FYCO1: variants seen among roughly 807,000 people sequenced by gnomAD.
FYCO1 encodes the protein FYVE and coiled-coil domain autophagy adaptor 1, also known as FYVE and coiled-coil domain-containing protein 1.
In FYCO1, 122 loss-of-function variants were observed where a neutral mutation model predicts 165.1. That is an observed-to-expected ratio of 0.74 (90% CI 0.64 to 0.86). The LOEUF (loss-of-function observed/expected upper bound fraction) is 0.86, where lower values mean the gene tolerates loss of function less well. FYCO1 is among the 40% of genes least tolerant of loss of function. FYCO1 has a pLI of 0.00. For synonymous variants in FYCO1, 648 were observed against 742.5 expected (o/e 0.87, Z 2.07); for missense variants, 1,702 against 1,810.3 (o/e 0.94, Z 1.09).
intron 14 of FYCO1, among the ~76,000 whole-genome samples, chr3:45,951,779 C>A (rs1705046887): frequency 6.6e-6 from 1 of 152,158 alleles, no homozygotes; most frequent in African/African-American, 2.4e-5. Flanking sequence ...TGCACAGGGA[C>A]CACTAGGAGG....
chr3:45,972,354 G>T (rs760121296), intron 6 of FYCO1, among the ~76,000 whole-genome samples: 1 of 152,180 alleles, frequency 6.6e-6, no homozygotes. Flanking sequence ...TGGTTTGCAT[G>T]TGACTATCAT....
At position 45,964,322 on chromosome 3, in the gene FYCO1, G is replaced by A; in HGVS notation, c.3269+14C>T. The A allele has an allele frequency of 6.3e-7, 1 of 1,583,168 alleles. No homozygotes were observed. The highest frequency in any genetic ancestry group is 1.1e-5 in the South Asian group (1 of 90,408). ...GAAGACTACCGACAGCTACGTAGGT[G>A]GACTGTGACTAACCTTTCTAGGTCT... On this transcript the variant is annotated intron_variant, in intron 10 of 17. Coordinates refer to ENST00000296137, the MANE Select transcript of FYCO1 (RefSeq NM_024513.4). The surrounding 1 kb of genome is among the most constrained non-coding windows in gnomAD (Gnocchi z 4.1).
intron 4 of FYCO1, among the ~76,000 whole-genome samples, chr3:45,978,161 C>T (rs1191649529): frequency 6.6e-6 from 1 of 152,228 alleles, no homozygotes; most frequent in East Asian, 1.9e-4. Context: ...GCAAGCATTT[C>T]ATAATCCTGG....
intron 14 of FYCO1, among the ~76,000 whole-genome samples, chr3:45,948,830 G>A (rs1324136248): frequency 6.6e-6 from 1 of 152,150 alleles, no homozygotes; most frequent in Non-Finnish European, 1.5e-5. Context: ...GACCTTGGGC[G>A]AATCTCTTAG....
chr3:45,967,480 G>T lies in FYCO1; in HGVS notation c.1854C>A (p.Asn618Lys). The T allele has an allele frequency of 6.2e-7, 1 of 1,613,692 alleles. No homozygotes were observed. ...GSQEEELRQA[N>K]RELEKELQNV... ...TCTGTAGCTCCTTCTCCAGCTCCCT[G>T]TTGGCCTGCCGGAGCTCTTCCTCCT... is the stretch of plus-strand genomic sequence containing the variant. The change falls in exon 8 of 18, where the codon AAC (asparagine) becomes AAA (lysine). Residue 618 changes from asparagine (N) to lysine (K), a missense_variant. By Grantham distance (94) the Asn-to-Lys change is moderately conservative. Coordinates refer to ENST00000296137, the MANE Select transcript of FYCO1 (RefSeq NM_024513.4).
chr3:45,971,789 C>G (rs1183306138), intron 6 of FYCO1, among the ~76,000 whole-genome samples: 1 of 152,102 alleles, frequency 6.6e-6, no homozygotes. Context: ...AATATGTGAT[C>G]TGGGATTGGA....
In FYCO1 at chr3:45,966,529, G is replaced by T. The variant is rs559343345; in HGVS notation, c.2805C>A (p.Asp935Glu). The change falls in exon 8 of 18, where the codon GAC becomes GAA. Residue 935 changes from aspartate (D) to glutamate (E), a missense_variant. Asp to Glu is a conservative substitution (Grantham distance 45). Coordinates refer to ENST00000296137, the MANE Select transcript of FYCO1 (RefSeq NM_024513.4). ...ALACAVQELQ[D>E]AKEAASRERE... ...GCTCCCTTGAGGCTGCCTCTTTGGC[G>T]TCCTGGAGCTCCTGGACAGCACAGG... The T allele has an allele frequency of 6.2e-6, 10 of 1,613,542 alleles. No individual in the cohort carries two copies. The South Asian group carries it at 9.9e-5, about 16-fold the overall frequency.
chr3:45,923,565 AAAT>A, intron 17 of FYCO1, 88 bp downstream of exon 17: 1 of 817,632 alleles, frequency 1.2e-6, no homozygotes, highest in African/African-American at 1.7e-5. Flanking sequence ...AGTTACTGAC[AAAT>A]AATTGGTTTT....
chr3:45,981,625 G>T lies in FYCO1; in HGVS notation c.107C>A (p.Thr36Lys), dbSNP rs762961354. ...TTTATGCAAGCTGGTGCTGTCATCC[G>T]TGATGGGTTCCCCTGCTTCCTGAAA... ...KEFQEAGEPI[T>K]DDSTSLHKFS... is the part of the protein sequence containing the mutation. Residue 36 changes from threonine to lysine, a missense_variant, in exon 3 of 18, where the codon ACG becomes AAG. By Grantham distance (78) the Thr-to-Lys change is moderately conservative. Transcript: ENST00000296137. The T allele has an allele frequency of 1.4e-5, 22 of 1,613,908 alleles. No individual in the cohort carries two copies. The highest frequency in any genetic ancestry group is 1.9e-5 in the Non-Finnish European group (22 of 1,179,888).
At chr3:45,970,578 T>C (rs2125856203) in intron 6 of FYCO1, among the ~76,000 whole-genome samples, 1 of 152,346 alleles carries the variant, frequency 6.6e-6, no homozygotes, top group Middle Eastern at 3.4e-3. Flanking sequence ...TGGGTTGGCA[T>C]TCTTTTTTTT....
chr3:45,981,766 T>C (rs1393313540), intron 2 of FYCO1, 90 bp from the exon 3 acceptor site: 1 of 886,550 alleles, frequency 1.1e-6, no homozygotes, highest in East Asian at 2.4e-5. Context: ...GAGGAGCAAG[T>C]GGTCAGTGAT....
intron 11 of FYCO1, among the ~76,000 whole-genome samples, chr3:45,959,885 T>C (rs1705590641): frequency 6.6e-6 from 1 of 152,234 alleles, no homozygotes; most frequent in Admixed American, 6.5e-5. Flanking sequence ...CGTGCTGCCA[T>C]GCCGACGGCG....
intron 5 of FYCO1, among the ~76,000 whole-genome samples, chr3:45,974,274 G>C (rs1706605831): frequency 6.6e-6 from 1 of 152,186 alleles, no homozygotes; most frequent in Non-Finnish European, 1.5e-5. Flanking sequence ...CTCGAAGGCT[G>C]AGGTAAGAAG....
intron 4 of FYCO1, among the ~76,000 whole-genome samples, chr3:45,978,658 A>T (rs996218065): frequency 6.6e-6 from 1 of 152,204 alleles, no homozygotes; most frequent in African/African-American, 2.4e-5. Context: ...ACACTTACTG[A>T]AAAGAAAGAA....
At chr3:45,952,655 C>G (rs1285268652) in intron 14 of FYCO1, among the ~76,000 whole-genome samples, 1 of 152,196 alleles carries the variant, frequency 6.6e-6, no homozygotes, top group Admixed American at 6.5e-5. Context: ...ACATATTTGT[C>G]AGCAGTCAGA....
chr3:45,965,807 C>T (rs969391696), intron 8 of FYCO1, among the ~76,000 whole-genome samples: 3 of 152,164 alleles, frequency 2.0e-5, no homozygotes, highest in Admixed American at 1.3e-4. Flanking sequence ...ACATGCCCGG[C>T]GGGGCTGGGC....
chr3:45,942,451 G>T (rs1429487632), intron 14 of FYCO1, among the ~76,000 whole-genome samples: 1 of 152,208 alleles, frequency 6.6e-6, no homozygotes, highest in Non-Finnish European at 1.5e-5. Context: ...ACATGAGAAG[G>T]TTTGCCTAGC....
chr3:45,955,310 C>T lies in FYCO1; in HGVS notation c.3883G>A (p.Gly1295Ser), dbSNP rs377506531. The change falls in exon 14 of 18, where the codon GGC (glycine) becomes AGC (serine). Residue 1295 changes from glycine to serine, a missense_variant. Coordinates refer to ENST00000296137, the MANE Select transcript of FYCO1 (RefSeq NM_024513.4). The stretch of plus-strand genomic sequence containing the variant: ...GTGGGTGTTTCAGGCAAAGAGGAGC[C>T]GGACTCCTGTATCTGGCACAATTCC... ...DEELCQIQESGSSLPETPTET... is the reference protein window; with the variant it reads ...DEELCQIQESSSSLPETPTET... 1.4e-5 allele frequency: 23 copies of T among 1,613,996 alleles called. No homozygotes were observed. Among genetic ancestry groups the T allele is most frequent in the South Asian group, 4.4e-5 (4 of 91,072 alleles).
chr3:45,928,215 A>G (rs1333374304), intron 16 of FYCO1, among the ~76,000 whole-genome samples: 1 of 152,244 alleles, frequency 6.6e-6, no homozygotes, highest in Non-Finnish European at 1.5e-5. Flanking sequence ...TAAACTGTAC[A>G]TTCCAAGTGC....
Sources: allele counts gnomAD v4.1 joint callset (sites outside exome capture counted in the v4.1 genomes callset), GRCh38; gene constraint gnomAD v4.1.1; non-coding constraint Gnocchi (gnomAD v3.1); transcripts MANE v1.5; gene names NCBI Gene and HGNC (gene_info 2026-07-23, HGNC 2026-07-21).